The following FGD4 variants were observed in gnomAD, a reference collection of about 807,000 sequenced individuals.
FGD4 encodes the protein FYVE, RhoGEF and PH domain containing 4.
Under a neutral mutation model 102.0 loss-of-function variants are expected in FGD4, and 42 were observed. That is an observed-to-expected ratio of 0.41 (90% CI 0.32 to 0.53). The LOEUF is 0.53. Ranked by LOEUF, FGD4 falls within the 20% of genes least tolerant of loss-of-function variation. The pLI is 0.21. For missense variants in FGD4, 902 were observed against 1,078.2 expected, an observed-to-expected ratio of 0.84 and a Z score of 2.29; for synonymous variants, 380 against 375.7, an observed-to-expected ratio of 1.01 and a Z score of -0.13.
In FGD4 at chr12:32,576,322, C is replaced by T. The variant is rs199744649; in HGVS notation, c.376C>T (p.Pro126Ser). Residue 126 changes from proline (P) to serine (S), a missense_variant, in exon 3 of 17, where the codon CCC becomes TCC. Pro to Ser is a moderately conservative substitution (Grantham distance 74). Transcript: ENST00000534526. ...NSPSSNIHQT[P>S]RHKALPSAKP... ...ACCTTCGTCCAATATACACCAAACC[C>T]CCAGGCATAAAGCTTTACCTAGTGC... The T allele has an allele frequency of 2.5e-6, 4 of 1,613,676 alleles. No homozygotes were observed. In the African/African-American group the frequency reaches 5.3e-5, roughly 22 times the overall value.
chr12:32,433,891 C>T (rs1942137032), intron 1 of FGD4, among the ~76,000 whole-genome samples: 2 of 151,684 alleles, frequency 1.3e-5, no homozygotes, highest in Non-Finnish European at 2.9e-5. Flanking sequence ...GAGTCTTGCT[C>T]TGTCGCCAGG....
intron 14 of FGD4, among the ~76,000 whole-genome samples, chr12:32,628,413 A>G (rs1456597542): frequency 1.3e-5 from 2 of 151,970 alleles, no homozygotes; most frequent in African/African-American, 4.8e-5. Flanking sequence ...GCCTGAGGAT[A>G]TGGAAGAGTT....
At chr12:32,491,066 C>CT (rs757342131) in intron 1 of FGD4, among the ~76,000 whole-genome samples, 2 of 137,484 alleles carry the variant, frequency 1.5e-5, no homozygotes, top group Non-Finnish European at 3.0e-5. Context: ...TTTACTCACT[C>CT]TTTTCAATGA....
rs959630513 is a variant in FGD4, at chr12:32,399,787, C to T, written c.-7C>T. The T allele has an allele frequency of 7.8e-6, 12 of 1,529,738 alleles. No individual in the cohort carries two copies. The highest frequency in any genetic ancestry group is 1.0e-5 in the Non-Finnish European group (12 of 1,144,944). The allele number at this position is 1,529,738 out of a possible 1,614,324, so 94.8% of individuals were successfully genotyped here. ...GGAGTCGGGGAGCGGCGGTCGAGCC[C>T]GGCAGGATGAGCGACGAGGGCGGCT... On this transcript the variant is annotated 5_prime_UTR_variant, in exon 1 of 17. Coordinates refer to ENST00000534526, the MANE Select transcript of FGD4 (RefSeq NM_001370298.3).
At chr12:32,431,288 G>A (rs572224977) in intron 1 of FGD4, among the ~76,000 whole-genome samples, 63 of 152,172 alleles carry the variant, frequency 4.1e-4, no homozygotes, top group African/African-American at 1.1e-3. Flanking sequence ...TTATATTGGC[G>A]GCAATTGCGT....
intron 3 of FGD4, among the ~76,000 whole-genome samples, chr12:32,577,310 A>G (rs556639712): frequency 2.6e-5 from 4 of 152,340 alleles, no homozygotes; most frequent in African/African-American, 9.6e-5. Context: ...TATAACTTCA[A>G]TTTCATCCTT....
At chr12:32,491,731 A>G (rs1482022540) in intron 1 of FGD4, among the ~76,000 whole-genome samples, 2 of 152,174 alleles carry the variant, frequency 1.3e-5, no homozygotes, top group African/African-American at 4.8e-5. Context: ...GTTCCTAGGT[A>G]TGCTACTTTA....
chr12:32,403,939 G>C (rs1248334571), intron 1 of FGD4, among the ~76,000 whole-genome samples: 1 of 152,058 alleles, frequency 6.6e-6, no homozygotes, highest in Non-Finnish European at 1.5e-5. Context: ...CTCAGGTTCA[G>C]CTTTTTCCTA....
intron 1 of FGD4, among the ~76,000 whole-genome samples, chr12:32,431,304 A>G (rs1233682181): frequency 2.0e-5 from 3 of 152,098 alleles, no homozygotes; most frequent in Non-Finnish European, 4.4e-5. Flanking sequence ...TGCGTGTATC[A>G]CTGATACATG....
chr12:32,597,024 T>C (rs570302437), intron 4 of FGD4, among the ~76,000 whole-genome samples: 1 of 151,962 alleles, frequency 6.6e-6, no homozygotes, highest in Non-Finnish European at 1.5e-5. Flanking sequence ...GCATATACAT[T>C]AGAAAGATTT....
chr12:32,616,880 T>C (rs1949483790), intron 10 of FGD4, among the ~76,000 whole-genome samples: 1 of 152,210 alleles, frequency 6.6e-6, no homozygotes, highest in South Asian at 2.1e-4. Context: ...CAGGGGTTTA[T>C]TTTCTGCAGT....
At chr12:32,493,753 G>A (rs535765377) in intron 1 of FGD4, among the ~76,000 whole-genome samples, 3 of 152,306 alleles carry the variant, frequency 2.0e-5, no homozygotes, top group African/African-American at 7.2e-5. Flanking sequence ...TAAGGTAGGA[G>A]CCAGAAATTA....
intron 1 of FGD4, among the ~76,000 whole-genome samples, chr12:32,515,414 T>G (rs1225559150): frequency 6.6e-6 from 1 of 152,222 alleles, no homozygotes; most frequent in African/African-American, 2.4e-5. Context: ...GCAGATAGAA[T>G]GTGCTAGATA....
At chr12:32,479,360 T>G (rs1943662264) in intron 1 of FGD4, among the ~76,000 whole-genome samples, 1 of 152,044 alleles carries the variant, frequency 6.6e-6, no homozygotes, top group Non-Finnish European at 1.5e-5. Flanking sequence ...ACTTGCTGTG[T>G]TCTATTTTAT....
At chr12:32,455,500 T>G (rs995567865) in intron 1 of FGD4, among the ~76,000 whole-genome samples, 1 of 152,162 alleles carries the variant, frequency 6.6e-6, no homozygotes, top group African/African-American at 2.4e-5. Context: ...TCCTCAAGGT[T>G]GGATCATTTG....
intron 1 of FGD4, among the ~76,000 whole-genome samples, chr12:32,495,317 A>G (rs1267696077): frequency 6.6e-6 from 1 of 152,164 alleles, no homozygotes; most frequent in Non-Finnish European, 1.5e-5. Context: ...TTAACTAATC[A>G]TGATTCGCCC....
At chr12:32,410,960 T>G (rs1156841340) in intron 1 of FGD4, among the ~76,000 whole-genome samples, 8 of 144,478 alleles carry the variant, frequency 5.5e-5, no homozygotes, top group Non-Finnish European at 1.2e-4. Flanking sequence ...AGATAGAGTC[T>G]CACTCTGTCG....
chr12:32,439,868 AGTCTCTT>A (rs1942370067), intron 1 of FGD4, among the ~76,000 whole-genome samples: 2 of 149,234 alleles, frequency 1.3e-5, no homozygotes, highest in African/African-American at 4.9e-5. Context: ...TTTTTTCTTT[AGTCTCTT>A]GTGTGTGTTT....
At chr12:32,563,242 G>C (rs1944819655) in intron 1 of FGD4, among the ~76,000 whole-genome samples, 1 of 151,316 alleles carries the variant, frequency 6.6e-6, no homozygotes, top group Non-Finnish European at 1.5e-5. Flanking sequence ...TCACTTCTCA[G>C]ACGGGGCGGT....
Sources: allele counts gnomAD v4.1 joint callset (sites outside exome capture counted in the v4.1 genomes callset), GRCh38; gene constraint gnomAD v4.1.1; transcripts MANE v1.5; gene names NCBI Gene and HGNC (gene_info 2026-07-23, HGNC 2026-07-21).